Variants in SRRM3 observed in about 807,000 individuals in gnomAD.
SRRM3 encodes serine/arginine repetitive matrix 3, also known as serine/arginine repetitive matrix protein 3.
A neutral mutation model predicts 66.2 loss-of-function variants in SRRM3; 27 were observed. That is an observed-to-expected ratio of 0.41 (90% CI 0.30 to 0.56). SRRM3 has a LOEUF of 0.56. Ranked by LOEUF, SRRM3 falls within the 20% of genes least tolerant of loss-of-function variation. The pLI is 0.32. For missense variants in SRRM3, 918 were observed against 991.9 expected (o/e 0.93, Z 1.00); for synonymous variants, 391 against 414.9 (o/e 0.94, Z 0.70).
At chr7:76,206,370 GGAGAGA>G (rs151338474) in intron 1 of SRRM3, among the ~76,000 whole-genome samples, 18 of 150,044 alleles carry the variant, frequency 1.2e-4, no homozygotes, top group African/African-American at 4.4e-4. Flanking sequence ...GAAAGGGATT[GGAGAGA>G]GAGAGAGAGA....
At chr7:76,213,389 A>C (rs1800483531) in intron 1 of SRRM3, among the ~76,000 whole-genome samples, 1 of 152,024 alleles carries the variant, frequency 6.6e-6, no homozygotes, top group South Asian at 2.1e-4. Flanking sequence ...TGCGTGTATT[A>C]ACTTATTTAG....
intron 3 of SRRM3, among the ~76,000 whole-genome samples, chr7:76,255,903 G>T (rs782169543): frequency 6.6e-6 from 1 of 152,156 alleles, no homozygotes; most frequent in African/African-American, 2.4e-5. Context: ...AGAGATGTTG[G>T]TGTGTAAGTA....
intron 11 of SRRM3, among the ~76,000 whole-genome samples, chr7:76,270,629 T>C (rs1802184548): frequency 6.6e-6 from 1 of 151,868 alleles, no homozygotes; most frequent in African/African-American, 2.4e-5. Context: ...CTGGCTAACA[T>C]GGCGAACCCC....
At position 76,285,255 on chromosome 7, in the gene SRRM3, G is replaced by T. The variant is rs1427857618; in HGVS notation, c.1734-360G>T. 2 of 243,446 alleles carry T rather than the reference G, an allele frequency of 8.2e-6. No homozygotes were observed. The highest frequency in any genetic ancestry group is 1.6e-5 in the Non-Finnish European group (2 of 123,056). The allele number at this position is 243,446 out of a possible 1,614,324, so 15.1% of individuals were successfully genotyped here. A position where few individuals can be genotyped will look rare whatever the true frequency, so the allele number is the denominator to read the frequency against. ...ATGTTTGTATTTTTAGTAGAGACAG[G>T]GTTTCATTATGTTGGCCAGACTGGT... On this transcript the variant is annotated intron_variant, in intron 14 of 14. Coordinates refer to ENST00000611745, the MANE Select transcript of SRRM3 (RefSeq NM_001110199.3). This position sits in a 1 kb window ranked among gnomAD's most constrained non-coding sequence, Gnocchi z 4.1.
chr7:76,259,086 AAAAG>A (rs1260188390), intron 3 of SRRM3, among the ~76,000 whole-genome samples: 3 of 151,896 alleles, frequency 2.0e-5, no homozygotes, highest in Non-Finnish European at 2.9e-5. Flanking sequence ...ACTGAAAAAA[AAAAG>A]AAAGAAAAGA....
chr7:76,218,753 A>G (rs564946976), intron 1 of SRRM3, among the ~76,000 whole-genome samples: 1 of 126,510 alleles, frequency 7.9e-6, no homozygotes. Context: ...ATCTCGGCTC[A>G]CTACAACCTC....
chr7:76,208,742 C>T (rs553102879), intron 1 of SRRM3, among the ~76,000 whole-genome samples: 62 of 145,764 alleles, frequency 4.3e-4, no homozygotes, highest in Admixed American at 1.6e-3. Flanking sequence ...GGCTGAGGCA[C>T]GAGAATCACT....
At chr7:76,221,563 C>T (rs537349804) in intron 1 of SRRM3, among the ~76,000 whole-genome samples, 3 of 151,588 alleles carry the variant, frequency 2.0e-5, no homozygotes, top group South Asian at 2.1e-4. Context: ...GGGGTTTCAC[C>T]GTATTAGCCA....
intron 1 of SRRM3, among the ~76,000 whole-genome samples, chr7:76,217,744 C>G (rs1401422496): frequency 1.3e-5 from 2 of 152,050 alleles, no homozygotes; most frequent in Non-Finnish European, 2.9e-5. Context: ...TAAGATGTCC[C>G]AATAATGAGG....
chr7:76,253,833 G>GTCA (rs1179643118), intron 3 of SRRM3, among the ~76,000 whole-genome samples: 1 of 148,636 alleles, frequency 6.7e-6, no homozygotes, highest in Admixed American at 6.8e-5. Context: ...TAGTGACAGT[G>GTCA]TCATCTAGGA....
chr7:76,262,077 TG>T (rs1554608860), intron 8 of SRRM3, among the ~76,000 whole-genome samples: 2 of 149,238 alleles, frequency 1.3e-5, no homozygotes, highest in East Asian at 2.0e-4. Context: ...CCAGGAGGGC[TG>T]GGGGTTAGTG....
chr7:76,250,590 G>A (rs782522887), intron 3 of SRRM3, among the ~76,000 whole-genome samples: 24 of 152,074 alleles, frequency 1.6e-4, no homozygotes, highest in Non-Finnish European at 2.8e-4. Context: ...AATAGGAAAC[G>A]GGGAAACCCT....
chr7:76,227,602 C>T (rs1266095463), intron 1 of SRRM3, among the ~76,000 whole-genome samples: 2 of 152,200 alleles, frequency 1.3e-5, no homozygotes, highest in Non-Finnish European at 2.9e-5. Flanking sequence ...CCAAGCAGGG[C>T]TACAGACACT....
intron 3 of SRRM3, among the ~76,000 whole-genome samples, chr7:76,249,701 T>C (rs782632409): frequency 7.2e-5 from 11 of 152,158 alleles, no homozygotes; most frequent in Non-Finnish European, 1.6e-4. Flanking sequence ...GCCTTCCCCT[T>C]GTTCACCCTC....
rs1188090646 is a variant in SRRM3 at position 76,286,639 on chromosome 7, G to A, written c.*796G>A. The stretch of plus-strand genomic sequence containing the variant: ...ATGACTACTGCATGACAAGAGGTGG[G>A]GGGTACAGACCTCAGGTACATTTGA... On this transcript the variant is annotated 3_prime_UTR_variant, in exon 15 of 15. Transcript: ENST00000611745. 1 of 152,442 alleles carries A rather than the reference G, an allele frequency of 6.6e-6. No homozygotes were observed. The highest frequency in any genetic ancestry group is 2.4e-5 in the African/African-American group (1 of 41,450). The allele number at this position is 152,442 out of a possible 1,614,324, so 9.4% of individuals were successfully genotyped here. A position where few individuals can be genotyped will look rare whatever the true frequency, so the allele number is the denominator to read the frequency against.
chr7:76,263,614 C>T (rs1240311470), intron 8 of SRRM3, among the ~76,000 whole-genome samples: 1 of 152,018 alleles, frequency 6.6e-6, no homozygotes, highest in Non-Finnish European at 1.5e-5. Flanking sequence ...AATCCCAGCA[C>T]TTTGGAGGGC....
intron 3 of SRRM3, among the ~76,000 whole-genome samples, chr7:76,259,135 G>T (rs909148096): frequency 4.0e-5 from 6 of 151,722 alleles, no homozygotes; most frequent in Non-Finnish European, 8.8e-5. Context: ...AGAAAGGAGG[G>T]GTGGGGATGG....
At chr7:76,242,769 G>A (rs528589253) in intron 2 of SRRM3, among the ~76,000 whole-genome samples, 3 of 152,180 alleles carry the variant, frequency 2.0e-5, no homozygotes, top group East Asian at 1.9e-4. Flanking sequence ...CCTCGCATGC[G>A]CAGTTCACAA....
chr7:76,268,369 T>G lies in SRRM3; in HGVS notation c.1008+934T>G, dbSNP rs999979841. On this transcript the variant is annotated intron_variant, in intron 11 of 14. Coordinates refer to ENST00000611745, the MANE Select transcript of SRRM3 (RefSeq NM_001110199.3). ...ACCCCTCAGAGAGAGGGGGCTGCAG[T>G]GCTGGCAGGGGCACTGGGGTGGGTG... The G allele has an allele frequency of 4.6e-5, 4 of 86,630 alleles. No homozygotes were observed. In the East Asian group the frequency reaches 1.4e-3, roughly 31 times the overall value. The allele number at this position is 86,630 out of a possible 1,614,324, so 5.4% of individuals were successfully genotyped here.
Sources: allele counts gnomAD v4.1 joint callset (sites outside exome capture counted in the v4.1 genomes callset), GRCh38; gene constraint gnomAD v4.1.1; non-coding constraint Gnocchi (gnomAD v3.1); transcripts MANE v1.5; gene names NCBI Gene and HGNC (gene_info 2026-07-23, HGNC 2026-07-21).